Variants in TASP1 observed in about 807,000 individuals in gnomAD.
The protein encoded by TASP1 is taspase 1, also known as threonine aspartase 1.
Under a neutral mutation model 56.6 loss-of-function variants are expected in TASP1, and 16 were observed. The ratio of observed to expected loss-of-function variants is 0.28; its 90% CI spans 0.19 to 0.43. The LOEUF is 0.43. TASP1 is among the 20% of genes least tolerant of loss of function. TASP1 has a pLI of 1.00. For missense variants in TASP1, 393 were observed against 511.6 expected, an observed-to-expected ratio of 0.77 and a Z score of 2.24; for synonymous variants, 179 against 184.2, an observed-to-expected ratio of 0.97 and a Z score of 0.23.
chr20:13,632,132 A>G (rs1314378167), intron 1 of TASP1, among the ~76,000 whole-genome samples: 3 of 151,872 alleles, frequency 2.0e-5, no homozygotes, highest in African/African-American at 7.3e-5. Flanking sequence ...TGGGAGGCCG[A>G]GGCAGGCAGA....
chr20:13,429,034 G>A (rs2042710950), intron 12 of TASP1, among the ~76,000 whole-genome samples: 1 of 152,196 alleles, frequency 6.6e-6, no homozygotes, highest in African/African-American at 2.4e-5. Flanking sequence ...TCCAGCGCCT[G>A]GAAAGATATT....
chr20:13,393,669 G>A lies in TASP1; in HGVS notation c.1171-3217C>T. On this transcript the variant is annotated intron_variant, in intron 13 of 13. Coordinates refer to ENST00000337743, the MANE Select transcript of TASP1 (RefSeq NM_017714.3). ...CCTCATGGCCCACATGGCCTCCAAGGAATAAGACCCCTGGACCACCAGCCC... is the reference window on the plus strand; with the variant it reads ...CCTCATGGCCCACATGGCCTCCAAGAAATAAGACCCCTGGACCACCAGCCC... 1.5e-6 allele frequency: 2 copies of A among 1,303,782 alleles called. 1 individual carries two copies. Among genetic ancestry groups the A allele is most frequent in the South Asian group, 2.4e-5 (2 of 84,554 alleles). 80.8% of individuals were successfully genotyped at this position (1,303,782 alleles called of 1,614,324 possible).
the TASP1 span, among the ~76,000 whole-genome samples, chr20:13,315,476 A>G: frequency 6.6e-6 from 1 of 151,914 alleles, no homozygotes; most frequent in Non-Finnish European, 1.5e-5. Context: ...TCAAGTCTCC[A>G]AGAAGACATA....
chr20:13,193,986 T>A, the TASP1 span, among the ~76,000 whole-genome samples: 1 of 152,148 alleles, frequency 6.6e-6, no homozygotes, highest in Non-Finnish European at 1.5e-5. Context: ...GTATTTTGCT[T>A]TTTCAATCTA....
At chr20:13,349,127 T>C in the TASP1 span, among the ~76,000 whole-genome samples, 3 of 152,204 alleles carry the variant, frequency 2.0e-5, no homozygotes, top group African/African-American at 7.2e-5. Context: ...GTTTGGTTCC[T>C]GGGGCCTTTT....
chr20:13,618,883 T>C (rs1228505962), intron 4 of TASP1, among the ~76,000 whole-genome samples: 3 of 152,240 alleles, frequency 2.0e-5, no homozygotes, highest in Non-Finnish European at 4.4e-5. Flanking sequence ...CTTTTTTTTT[T>C]TTTAGACAGA....
chr20:13,273,083 A>T, the TASP1 span, among the ~76,000 whole-genome samples: 1 of 152,164 alleles, frequency 6.6e-6, no homozygotes, highest in Non-Finnish European at 1.5e-5. Flanking sequence ...CTGTTCCTTC[A>T]TTGGAAAGTT....
At chr20:13,222,019 C>T in the TASP1 span, 1 of 1,069,428 alleles carries the variant, frequency 9.4e-7, no homozygotes, top group Non-Finnish European at 1.2e-6. Flanking sequence ...GTCCCCTGCC[C>T]CACCTAAGAG....
At chr20:13,280,128 G>A in the TASP1 span, among the ~76,000 whole-genome samples, 4 of 152,122 alleles carry the variant, frequency 2.6e-5, no homozygotes, top group African/African-American at 4.8e-5. Flanking sequence ...CCAATTATCC[G>A]AAGAGATAAT....
At chr20:13,257,981 C>A in the TASP1 span, among the ~76,000 whole-genome samples, 1 of 152,020 alleles carries the variant, frequency 6.6e-6, no homozygotes, top group Non-Finnish European at 1.5e-5. Context: ...TATCTAGGGG[C>A]CTCTCAGCCT....
intron 11 of TASP1, among the ~76,000 whole-genome samples, chr20:13,481,815 G>A (rs1226413844): frequency 6.7e-6 from 1 of 150,292 alleles, no homozygotes; most frequent in Non-Finnish European, 1.5e-5. Flanking sequence ...ATATATTCTG[G>A]TTATTAATCC....
Position 13,534,039 on chromosome 20 carries a change from G to C in TASP1, c.778C>G (p.Pro260Ala), listed in dbSNP as rs1391503885. The C allele has an allele frequency of 6.2e-7, 1 of 1,613,016 alleles. No homozygotes were observed. Among genetic ancestry groups the C allele is most frequent in the African/African-American group, 1.3e-5 (1 of 74,802 alleles). Residue 260 changes from proline to alanine, a missense_variant, in exon 9 of 14, where the codon CCG becomes GCG. Pro to Ala is a conservative substitution (Grantham distance 27). Transcript: ENST00000337743. Reference protein sequence around the residue: ...VSSGGLALKHPGRVGQAALYG... With the variant: ...VSSGGLALKHAGRVGQAALYG... ...TTACTTACCTGCCCAACTCTCCCCG[G>C]ATGTTTCAAGGCCAAGCCTCCACTG...
chr20:13,488,863 C>A (rs2043420551), intron 10 of TASP1, among the ~76,000 whole-genome samples: 1 of 152,012 alleles, frequency 6.6e-6, no homozygotes, highest in Admixed American at 6.6e-5. Flanking sequence ...TTCCTCACCC[C>A]ACTCAGGTCC....
At chr20:13,149,849 G>C in the TASP1 span, among the ~76,000 whole-genome samples, 2 of 152,222 alleles carry the variant, frequency 1.3e-5, no homozygotes, top group Non-Finnish European at 2.9e-5. Flanking sequence ...GGCAGCCAAT[G>C]ATAGATGAAT....
the TASP1 span, among the ~76,000 whole-genome samples, chr20:13,208,566 T>A: frequency 6.6e-6 from 1 of 152,212 alleles, no homozygotes; most frequent in Admixed American, 6.5e-5. Context: ...AGCTCACACT[T>A]TAAGTCTAGG....
chr20:13,139,399 T>G, the TASP1 span, among the ~76,000 whole-genome samples: 1 of 152,224 alleles, frequency 6.6e-6, no homozygotes, highest in South Asian at 2.1e-4. Context: ...AAATTCATTT[T>G]TTCCTAACAT....
chr20:13,132,880 T>C, the TASP1 span: 2,741 of 152,498 alleles, frequency 0.018, 54 homozygotes, highest in South Asian at 0.03. Flanking sequence ...AGTGAGCTAT[T>C]CCGCTGGCTT....
At chr20:13,602,388 A>T (rs2047995558) in intron 4 of TASP1, among the ~76,000 whole-genome samples, 1 of 152,228 alleles carries the variant, frequency 6.6e-6, no homozygotes, top group African/African-American at 2.4e-5. Context: ...GAAGAGAAAA[A>T]AGGCATTAGG....
chr20:13,509,784 G>T (rs1321695956), intron 10 of TASP1, among the ~76,000 whole-genome samples: 1 of 151,980 alleles, frequency 6.6e-6, no homozygotes. Context: ...GCACCATCAC[G>T]CCCGGCTAAT....
Sources: allele counts gnomAD v4.1 joint callset (sites outside exome capture counted in the v4.1 genomes callset), GRCh38; gene constraint gnomAD v4.1.1; transcripts MANE v1.5; gene names NCBI Gene and HGNC (gene_info 2026-07-23, HGNC 2026-07-21).